MOSMO: variants seen among roughly 807,000 people sequenced by gnomAD.
MOSMO encodes modulator of smoothened.
In MOSMO, 5 loss-of-function variants were observed where a neutral mutation model predicts 18.4. That is an observed-to-expected ratio of 0.27 (90% CI 0.14 to 0.57). The LOEUF (loss-of-function observed/expected upper bound fraction) is 0.57, where lower values mean the gene tolerates loss of function less well. MOSMO is among the 20% of genes least tolerant of loss of function. The probability of loss-of-function intolerance (pLI) is 0.92; values close to 1 mark genes in which losing one functional copy is unlikely to be tolerated. For synonymous variants in MOSMO, 82 were observed against 82.3 expected (o/e 1.00, Z 0.02); for missense variants, 138 against 211.8 (o/e 0.65, Z 2.16).
intron 1 of MOSMO, 119 bp from the exon 2 acceptor site, chr16:22,075,368 G>A (rs560711331): frequency 1.2e-4 from 92 of 759,740 alleles, no homozygotes; most frequent in South Asian, 1.1e-3. Context: ...GACTTAGGAT[G>A]TGCTTGAATG....
chr16:22,031,934 T>G (rs1299734218), intron 1 of MOSMO, among the ~76,000 whole-genome samples: 3 of 152,212 alleles, frequency 2.0e-5, no homozygotes, highest in East Asian at 3.9e-4. Context: ...ACTATCAGAC[T>G]GTTTTCCAAA....
Position 22,071,473 on chromosome 16 carries a change from A to G in MOSMO, c.107-4014A>G, listed in dbSNP as rs185162466. Among the ~76,000 whole-genome samples the G allele has an allele frequency of 2.0e-4, 30 of 152,264 alleles. No individual in the cohort carries two copies. The East Asian group carries it at 5.8e-3, about 29-fold the overall frequency. ...TGTGACACTGCTTTTACATGTAGTGATGACATACCTTATAATCATCCTCAC... is the reference window on the plus strand; with the variant it reads ...TGTGACACTGCTTTTACATGTAGTGGTGACATACCTTATAATCATCCTCAC... On this transcript the variant is annotated intron_variant, in intron 1 of 2. Transcript: ENST00000542527.
chr16:22,054,206 G>C (rs886523372), intron 1 of MOSMO, among the ~76,000 whole-genome samples: 5 of 151,534 alleles, frequency 3.3e-5, no homozygotes, highest in African/African-American at 1.2e-4. Flanking sequence ...GGTCATCTTT[G>C]TGCCTTAGCC....
In MOSMO at chr16:22,075,670, A is replaced by C. The variant is rs1169534803; in HGVS notation, c.290A>C (p.Lys97Thr). The change falls in exon 2 of 3, where the codon AAA becomes ACA. Residue 97 changes from lysine (K) to threonine (T), a missense_variant. By Grantham distance (78) the Lys-to-Thr change is moderately conservative (BLOSUM62 -1). Transcript: ENST00000542527. ...VASHWRREATKYARWIAFTGM... is the reference protein window; with the variant it reads ...VASHWRREATTYARWIAFTGM... Reference sequence around the variant, plus strand: ...TCCCACTGGCGAAGAGAAGCTACAAAATATGCTCGATGGATAGCATTCACT... The same window carrying C: ...TCCCACTGGCGAAGAGAAGCTACAACATATGCTCGATGGATAGCATTCACT... The C allele has an allele frequency of 6.5e-7, 1 of 1,537,340 alleles. No individual in the cohort carries two copies. Among genetic ancestry groups the C allele is most frequent in the South Asian group, 1.2e-5 (1 of 84,060 alleles).
intron 1 of MOSMO, among the ~76,000 whole-genome samples, chr16:22,014,772 T>C (rs535563073): frequency 2.0e-4 from 31 of 152,304 alleles, no homozygotes; most frequent in African/African-American, 7.2e-4. Flanking sequence ...TCTCAAACTT[T>C]ATTTTATTAA....
chr16:22,085,319 T>C (rs1483034504), downstream of MOSMO: 1 of 152,156 alleles, frequency 6.6e-6, no homozygotes, highest in Non-Finnish European at 1.5e-5. Flanking sequence ...AGGGGTTTCC[T>C]TGGAGGTGAG....
At chr16:22,008,552 C>T in intron 1 of MOSMO, 145 bp downstream of exon 1, 1 of 563,476 alleles carries the variant, frequency 1.8e-6, no homozygotes, top group Non-Finnish European at 3.1e-6. Context: ...GAGACCCGGG[C>T]CGCGGAGGAA....
intron 1 of MOSMO, among the ~76,000 whole-genome samples, chr16:22,013,050 A>G (rs541800223): frequency 3.9e-5 from 6 of 152,306 alleles, no homozygotes; most frequent in Non-Finnish European, 7.4e-5. Flanking sequence ...ATACAGTGGC[A>G]AAATTACATA....
At chr16:22,013,379 G>C (rs184099182) in intron 1 of MOSMO, among the ~76,000 whole-genome samples, 2 of 152,246 alleles carry the variant, frequency 1.3e-5, no homozygotes, top group African/African-American at 4.8e-5. Flanking sequence ...AAATTCTTCA[G>C]TGGCTGGAGG....
chr16:22,072,806 C>CAAA (rs906526492), intron 1 of MOSMO, among the ~76,000 whole-genome samples: 19 of 78,480 alleles, frequency 2.4e-4, no homozygotes, highest in Non-Finnish European at 3.8e-4. Context: ...GACTCCATCT[C>CAAA]AAAAAAAAAA....
At chr16:22,010,012 A>G (rs1165840843) in intron 1 of MOSMO, among the ~76,000 whole-genome samples, 1 of 151,762 alleles carries the variant, frequency 6.6e-6, no homozygotes, top group Non-Finnish European at 1.5e-5. Context: ...AAAGAAAAGC[A>G]TCACTGTGCT....
downstream of MOSMO, among the ~76,000 whole-genome samples, chr16:22,088,217 G>C (rs1255176962): frequency 6.6e-6 from 1 of 152,066 alleles, no homozygotes; most frequent in Non-Finnish European, 1.5e-5. Flanking sequence ...TTTTTATAGA[G>C]ATGGGGGTCT....
At chr16:22,037,811 C>T (rs1005499113) in intron 1 of MOSMO, among the ~76,000 whole-genome samples, 2 of 152,194 alleles carry the variant, frequency 1.3e-5, no homozygotes, top group African/African-American at 4.8e-5. Flanking sequence ...TCCGTGCCCT[C>T]TCCTGGCATA....
At chr16:22,046,917 A>G (rs1006661897) in intron 1 of MOSMO, among the ~76,000 whole-genome samples, 4 of 152,190 alleles carry the variant, frequency 2.6e-5, no homozygotes, top group Non-Finnish European at 4.4e-5. Context: ...CATATTTGCA[A>G]GTATGGAATC....
chr16:22,045,021 CAAA>C (rs747580729), intron 1 of MOSMO, among the ~76,000 whole-genome samples: 1 of 132,814 alleles, frequency 7.5e-6, no homozygotes. Flanking sequence ...ACAAAAAATA[CAAA>C]AAAAAAAAAA....
intron 1 of MOSMO, among the ~76,000 whole-genome samples, chr16:22,051,252 G>A (rs191497913): frequency 6.6e-6 from 1 of 152,038 alleles, no homozygotes; most frequent in Admixed American, 6.5e-5. Flanking sequence ...GCCGAGCATG[G>A]TGGTGCACAC....
chr16:22,086,228 G>A (rs1256211769), downstream of MOSMO: 1 of 152,166 alleles, frequency 6.6e-6, no homozygotes. Context: ...TTATTTCCAT[G>A]TTCACATTTC....
At chr16:22,035,579 T>G (rs975476136) in intron 1 of MOSMO, among the ~76,000 whole-genome samples, 1 of 152,096 alleles carries the variant, frequency 6.6e-6, no homozygotes, top group African/African-American at 2.4e-5. Context: ...CTACCTTCAT[T>G]CAGGTTTCTG....
rs913747925 is a variant in MOSMO at position 22,075,718 on chromosome 16, C to T, written c.319+19C>T. The T allele has an allele frequency of 6.6e-7, 1 of 1,526,696 alleles. No individual in the cohort carries two copies. Among genetic ancestry groups the T allele is most frequent in the African/African-American group, 1.4e-5 (1 of 72,952 alleles). The allele number at this position is 1,526,696 out of a possible 1,614,324, so 94.6% of individuals were successfully genotyped here. A position where few individuals can be genotyped will look rare whatever the true frequency, so the allele number is the denominator to read the frequency against. ...ACTGGAAGTAAGTAACCTGTGCTTA[C>T]TAAATTTGTCTAGAAGGCACCCACC... On this transcript the variant is annotated intron_variant, in intron 2 of 2. Coordinates refer to ENST00000542527, the MANE Select transcript of MOSMO (RefSeq NM_001164579.2).
Sources: gnomAD v4.1 joint callset for allele counts (sites outside exome capture counted in the v4.1 genomes callset) on GRCh38, gnomAD v4.1.1 for gene constraint, MANE v1.5 for transcripts, NCBI Gene and HGNC (gene_info 2026-07-23, HGNC 2026-07-21) for gene names.